The following CCDC50 variants were observed in gnomAD, a reference collection of about 807,000 sequenced individuals.
The protein encoded by CCDC50 is coiled-coil domain-containing protein 50.
Under a neutral mutation model 70.2 loss-of-function variants are expected in CCDC50, and 54 were observed. That is an observed-to-expected ratio of 0.77 (90% CI 0.62 to 0.96). The LOEUF is 0.96. CCDC50 is among the 50% of genes least tolerant of loss of function. CCDC50 has a pLI of 0.00. For synonymous variants in CCDC50, 216 were observed against 198.8 expected, an observed-to-expected ratio of 1.09 and a Z score of -0.73; for missense variants, 558 against 578.7, an observed-to-expected ratio of 0.96 and a Z score of 0.37.
At chr3:191,373,811 T>G (rs1712997002) in intron 5 of CCDC50, among the ~76,000 whole-genome samples, 1 of 150,812 alleles carries the variant, frequency 6.6e-6, no homozygotes, top group Non-Finnish European at 1.5e-5. Context: ...AAGCAAGCTT[T>G]CTTTTCTTCT....
intron 2 of CCDC50, among the ~76,000 whole-genome samples, chr3:191,357,645 A>G (rs1376798991): frequency 6.6e-6 from 1 of 152,250 alleles, no homozygotes; most frequent in African/African-American, 2.4e-5. Flanking sequence ...GAATTCACAT[A>G]TCAATATAAA....
rs566052167 is a variant in CCDC50, at chr3:191,351,703, A to T, written c.50-5385A>T. ...ATAGAGTTTGGTTGGCGTGAGGTGG[A>T]GTGGGGTGGTAAATCACCAGATTTT... On this transcript the variant is annotated intron_variant, in intron 1 of 11. Coordinates refer to ENST00000392455, the MANE Select transcript of CCDC50 (RefSeq NM_178335.3). 6.4e-5 allele frequency among the ~76,000 whole-genome samples: 9 copies of T among 141,504 alleles called. 1 individual carries two copies. In the South Asian group the frequency reaches 2.0e-3, roughly 31 times the overall value. The allele number at this position is 141,504 out of a possible 152,430, so 92.8% of individuals were successfully genotyped here.
chr3:191,362,948 CTT>C (rs1712546820), intron 4 of CCDC50, among the ~76,000 whole-genome samples: 1 of 152,088 alleles, frequency 6.6e-6, no homozygotes, highest in Non-Finnish European at 1.5e-5. Context: ...ATAGTGAAGA[CTT>C]TGCTTTGGGG....
intron 1 of CCDC50, among the ~76,000 whole-genome samples, chr3:191,334,567 A>G (rs1371949091): frequency 2.0e-5 from 3 of 152,146 alleles, no homozygotes; most frequent in South Asian, 2.1e-4. Context: ...GTATTAAACC[A>G]CTGAGGCTAA....
rs1055899184 is a variant in CCDC50 at position 191,396,766 on chromosome 3, T to G, written c.*5006T>G. 1 of 152,200 alleles carries G rather than the reference T, an allele frequency of 6.6e-6. No homozygotes were observed. The highest frequency in any genetic ancestry group is 1.5e-5 in the Non-Finnish European group (1 of 68,022). 9.4% of individuals were successfully genotyped at this position (152,200 alleles called of 1,614,324 possible). Reference sequence around the variant, plus strand: ...TATAAGAGAAAAGCAGGAAAACTTTTGCTTTGATAAGAAAGACACCAGAGT... The same window carrying G: ...TATAAGAGAAAAGCAGGAAAACTTTGGCTTTGATAAGAAAGACACCAGAGT... On this transcript the variant is annotated 3_prime_UTR_variant, in exon 12 of 12. Transcript: ENST00000392455.
intron 1 of CCDC50, among the ~76,000 whole-genome samples, chr3:191,355,869 T>C (rs909733176): frequency 3.9e-5 from 6 of 152,194 alleles, no homozygotes; most frequent in East Asian, 1.9e-4. Context: ...CAAAATAATC[T>C]TGACCTCCCC....
In CCDC50 at chr3:191,352,428, A is replaced by G. The variant is rs1197455563; in HGVS notation, c.50-4660A>G. On this transcript the variant is annotated intron_variant, in intron 1 of 11. Transcript: ENST00000392455. ...TTCTAAGACCTGCTTGGCCTATTGT[A>G]AATTAATTCACTGTATATACAGGCA... 1.4e-5 allele frequency among the ~76,000 whole-genome samples: 2 copies of G among 142,232 alleles called. 1 individual carries two copies. Among genetic ancestry groups the G allele is most frequent in the Non-Finnish European group, 3.2e-5 (2 of 63,094 alleles). 93.3% of individuals were successfully genotyped at this position (142,232 alleles called of 152,430 possible).
chr3:191,336,130 G>A (rs1369401813), intron 1 of CCDC50, among the ~76,000 whole-genome samples: 1 of 150,252 alleles, frequency 6.7e-6, no homozygotes, highest in Admixed American at 6.6e-5. Flanking sequence ...TTGTGTACAA[G>A]TGTTTTTTTT....
At chr3:191,344,033 T>C (rs1384967817) in intron 1 of CCDC50, among the ~76,000 whole-genome samples, 2 of 152,232 alleles carry the variant, frequency 1.3e-5, no homozygotes, top group Non-Finnish European at 2.9e-5. Context: ...AGGAGAAATG[T>C]AAATATGCGA....
Position 191,380,249 on chromosome 3 carries a change from GA to G in CCDC50, c.1071del (p.Lys357AsnfsTer14). 2 of 1,612,384 alleles carry G rather than the reference GA, an allele frequency of 1.2e-6. No homozygotes were observed. The highest frequency in any genetic ancestry group is 1.7e-6 in the Non-Finnish European group (2 of 1,178,912). ...GAATGGTATGATGCTGAAATTGCCA[GA>G]AAACTGCAAGAAGAAGAACTTTTGG... ...DQEWYDAEIA[R>X]KLQEEELLAT... On this transcript the variant is annotated frameshift_variant, in exon 7 of 12. Coordinates refer to ENST00000392455, the MANE Select transcript of CCDC50 (RefSeq NM_178335.3). LOFTEE classifies it high-confidence loss of function.
At position 191,369,757 on chromosome 3, in the gene CCDC50, A is replaced by G. The variant is rs4677632; in HGVS notation, c.331-162A>G. On this transcript the variant is annotated intron_variant, in intron 4 of 11. Transcript: ENST00000392455. ...ATCTAGATCATGTGCTACTCCTGTT[A>G]AGCAGTCATCTGGCATTTGAAGACA... 0.32 allele frequency among the ~76,000 whole-genome samples: 48,278 copies of G among 152,056 alleles called. 7,673 individuals carry two copies. Among genetic ancestry groups the G allele is most frequent in the Non-Finnish European group, 0.32 (22,081 of 67,962 alleles).
chr3:191,370,268 G>A, intron 5 of CCDC50: 1 of 398,322 alleles, frequency 2.5e-6, no homozygotes, highest in Non-Finnish European at 4.8e-6. Flanking sequence ...CAACGTGCAG[G>A]TTTGTTACAT....
At chr3:191,345,197 T>G (rs537164226) in intron 1 of CCDC50, among the ~76,000 whole-genome samples, 1 of 152,314 alleles carries the variant, frequency 6.6e-6, no homozygotes, top group East Asian at 1.9e-4. Context: ...AAGTCTTAAC[T>G]TTTCTTGGGT....
chr3:191,331,395 C>T (rs1717979688), intron 1 of CCDC50, among the ~76,000 whole-genome samples: 1 of 152,156 alleles, frequency 6.6e-6, no homozygotes, highest in South Asian at 2.1e-4. Context: ...TATTATTTCT[C>T]AAGGAGTTCC....
chr3:191,333,725 CTG>C (rs1718059332), intron 1 of CCDC50, among the ~76,000 whole-genome samples: 1 of 151,960 alleles, frequency 6.6e-6, no homozygotes, highest in Admixed American at 6.6e-5. Flanking sequence ...TTATTATTCT[CTG>C]TTGGTTTAGG....
intron 10 of CCDC50, among the ~76,000 whole-genome samples, chr3:191,384,882 G>A (rs1044798541): frequency 9.9e-5 from 15 of 152,084 alleles, no homozygotes; most frequent in Middle Eastern, 6.8e-3. Flanking sequence ...GTGAACCCAG[G>A]ATTTAGTTCC....
In CCDC50 at chr3:191,352,134, A is replaced by T; in HGVS notation, c.50-4954A>T. On this transcript the variant is annotated intron_variant, in intron 1 of 11. Transcript: ENST00000392455. Reference sequence around the variant, plus strand: ...CAAAGAATTTTCTTTAGTACAACTAATTGTCTTTAGTACAGTGTTTATTAA... The same window carrying T: ...CAAAGAATTTTCTTTAGTACAACTATTTGTCTTTAGTACAGTGTTTATTAA... 1.4e-5 allele frequency among the ~76,000 whole-genome samples: 2 copies of T among 142,020 alleles called. 1 individual carries two copies. The highest frequency in any genetic ancestry group is 3.2e-5 in the Non-Finnish European group (2 of 63,006). The allele number at this position is 142,020 out of a possible 152,430, so 93.2% of individuals were successfully genotyped here. A position where few individuals can be genotyped will look rare whatever the true frequency, so the allele number is the denominator to read the frequency against.
chr3:191,364,122 A>G (rs297370), intron 4 of CCDC50, among the ~76,000 whole-genome samples: 9,561 of 150,782 alleles, frequency 0.063, 412 homozygotes, highest in East Asian at 0.21. Context: ...AGGCTGGAGT[A>G]TAGTGGCGCA....
At chr3:191,351,782 C>A (rs1385426069) in intron 1 of CCDC50, among the ~76,000 whole-genome samples, 1 of 140,976 alleles carries the variant, frequency 7.1e-6, no homozygotes, top group African/African-American at 2.5e-5. Context: ...AAAAAAAGAA[C>A]CAATTCCTTA....
Sources: allele counts gnomAD v4.1 joint callset (sites outside exome capture counted in the v4.1 genomes callset), GRCh38; gene constraint gnomAD v4.1.1; transcripts MANE v1.5; gene names NCBI Gene and HGNC (gene_info 2026-07-23, HGNC 2026-07-21).